Variants in SAE1 observed in about 807,000 individuals in gnomAD.
SAE1 encodes the protein SUMO1 activating enzyme subunit 1.
SAE1 carries 11 observed loss-of-function variants against 40.6 expected under a neutral mutation model. The observed-to-expected ratio is 0.27, with a 90% CI of 0.17 to 0.45. The LOEUF is 0.45. SAE1 is among the 20% of genes least tolerant of loss of function. The pLI, the probability that SAE1 is intolerant of heterozygous loss-of-function variation, is 1.00. For synonymous variants in SAE1, 155 were observed against 154.3 expected (o/e 1.00, Z -0.03); for missense variants, 373 against 427.3 (o/e 0.87, Z 1.12).
chr19:47,147,164 C>G (rs1468527928), intron 2 of SAE1, among the ~76,000 whole-genome samples: 2 of 142,644 alleles, frequency 1.4e-5, no homozygotes, highest in Non-Finnish European at 3.0e-5. Flanking sequence ...GATCTGTGGA[C>G]TGATAGTGAT....
chr19:47,188,207 C>G (rs2058556044), intron 6 of SAE1, among the ~76,000 whole-genome samples: 1 of 151,890 alleles, frequency 6.6e-6, no homozygotes, highest in Admixed American at 6.6e-5. Context: ...AATGAACCAC[C>G]AGGCATGGTG....
chr19:47,162,044 AAGTGGCC>A (rs2058362488), intron 5 of SAE1, among the ~76,000 whole-genome samples: 1 of 152,228 alleles, frequency 6.6e-6, no homozygotes, highest in South Asian at 2.1e-4. Context: ...GTCACATTTC[AAGTGGCC>A]AGTAAGCACA....
intron 1 of SAE1, among the ~76,000 whole-genome samples, chr19:47,139,875 A>G (rs1325819280): frequency 6.8e-6 from 1 of 146,486 alleles, no homozygotes; most frequent in Non-Finnish European, 1.5e-5. Flanking sequence ...TGTTGGGATT[A>G]TAGGCGTGAG....
In SAE1 at chr19:47,143,430, GTTC is replaced by G; in HGVS notation, c.99-59_99-57del. The G allele has an allele frequency of 3.0e-6, 4 of 1,333,594 alleles. No homozygotes were observed. The Admixed American group carries it at 5.1e-5, about 17-fold the overall frequency. The allele number at this position is 1,333,594 out of a possible 1,614,324, so 82.6% of individuals were successfully genotyped here. ...AACCAAAATGATTTGTGTATTTTTT[GTTC>G]TTCTGTGATTCTGCAAGCTCACTGT... On this transcript the variant is annotated intron_variant, in intron 1 of 8. Coordinates refer to ENST00000270225, the MANE Select transcript of SAE1 (RefSeq NM_005500.3).
intron 5 of SAE1, among the ~76,000 whole-genome samples, chr19:47,163,321 G>A (rs1214393971): frequency 6.6e-6 from 1 of 151,600 alleles, no homozygotes; most frequent in East Asian, 1.9e-4. Flanking sequence ...GCGTCTATCT[G>A]TACCAAACAT....
chr19:47,191,719 A>C (rs1398211230), intron 6 of SAE1, among the ~76,000 whole-genome samples: 1 of 151,714 alleles, frequency 6.6e-6, no homozygotes, highest in East Asian at 1.9e-4. Context: ...TTTTTTTTTC[A>C]GCTGTTACCA....
At chr19:47,168,902 ACTT>A (rs1258950086) in intron 5 of SAE1, among the ~76,000 whole-genome samples, 3 of 152,062 alleles carry the variant, frequency 2.0e-5, no homozygotes, top group Non-Finnish European at 1.5e-5. Context: ...CTGTGCCTGG[ACTT>A]GTAAATGGTA....
intron 5 of SAE1, among the ~76,000 whole-genome samples, chr19:47,156,841 T>C (rs1423652686): frequency 6.6e-6 from 1 of 152,126 alleles, no homozygotes; most frequent in Non-Finnish European, 1.5e-5. Context: ...GGAGAAGGGA[T>C]CAGAAGACGA....
chr19:47,199,934 CT>C (rs760362409), intron 7 of SAE1, among the ~76,000 whole-genome samples: 345 of 142,162 alleles, frequency 2.4e-3, no homozygotes, highest in Non-Finnish European at 2.3e-3. Context: ...TAGATGATGG[CT>C]TTTTTTTTTT....
intron 4 of SAE1, among the ~76,000 whole-genome samples, chr19:47,154,041 T>G (rs1395532874): frequency 3.3e-5 from 5 of 151,764 alleles, no homozygotes; most frequent in African/African-American, 1.2e-4. Flanking sequence ...TCCACCCACC[T>G]CGGCCTCCCA....
At chr19:47,194,597 A>G (rs1233645431) in intron 6 of SAE1, among the ~76,000 whole-genome samples, 2 of 152,162 alleles carry the variant, frequency 1.3e-5, no homozygotes, top group African/African-American at 4.8e-5. Context: ...TGTGGGAGAA[A>G]GAGTATTGTC....
chr19:47,174,783 C>A (rs1420919912), intron 6 of SAE1, among the ~76,000 whole-genome samples: 1 of 151,868 alleles, frequency 6.6e-6, no homozygotes, highest in Non-Finnish European at 1.5e-5. Context: ...CCATGTTAGC[C>A]AGGATGGTCT....
At chr19:47,163,979 G>T (rs2058374287) in intron 5 of SAE1, among the ~76,000 whole-genome samples, 1 of 151,764 alleles carries the variant, frequency 6.6e-6, no homozygotes, top group South Asian at 2.1e-4. Context: ...TTGTTCGCCA[G>T]GCTGGTCTCG....
intron 6 of SAE1, among the ~76,000 whole-genome samples, chr19:47,182,508 C>CTGT (rs1555794406): frequency 5.5e-5 from 8 of 146,632 alleles, no homozygotes; most frequent in Admixed American, 2.7e-4. Flanking sequence ...CGCGCACGCA[C>CTGT]GCGCGCGCGC....
At chr19:47,201,360 CTTTTTTTTTTTTTTTT>C (rs57568797) in intron 7 of SAE1, among the ~76,000 whole-genome samples, 13 of 66,230 alleles carry the variant, frequency 2.0e-4, no homozygotes, top group East Asian at 4.3e-4. Flanking sequence ...TATCTGGTTC[CTTTTTTTTTTTTTTTT>C]TTTTTTTTTT....
chr19:47,137,138 C>A (rs1028688573), intron 1 of SAE1, among the ~76,000 whole-genome samples: 2 of 152,034 alleles, frequency 1.3e-5, no homozygotes, highest in African/African-American at 4.8e-5. Flanking sequence ...CCTGTAATCC[C>A]AGGACTTTGA....
chr19:47,181,855 G>T (rs1200401120), intron 6 of SAE1, among the ~76,000 whole-genome samples: 2 of 139,218 alleles, frequency 1.4e-5, no homozygotes. Flanking sequence ...TAAGGCTGTA[G>T]TGCAGTGGTA....
In SAE1 at chr19:47,176,868, C is replaced by T. The variant is rs2058471857; in HGVS notation, c.733+6945C>T. On this transcript the variant is annotated intron_variant, in intron 6 of 8. Coordinates refer to ENST00000270225, the MANE Select transcript of SAE1 (RefSeq NM_005500.3). ...TATTCTCCCATGGCATGTTGCAAAACAGTAAGCGTGAGCTGGTTTCCTGTG... is the reference window on the plus strand; with the variant it reads ...TATTCTCCCATGGCATGTTGCAAAATAGTAAGCGTGAGCTGGTTTCCTGTG... 3.3e-5 allele frequency among the ~76,000 whole-genome samples: 5 copies of T among 152,296 alleles called. No individual in the cohort carries two copies. In the South Asian group the frequency reaches 1.0e-3, roughly 32 times the overall value.
At chr19:47,189,334 G>A (rs1463582054) in intron 6 of SAE1, among the ~76,000 whole-genome samples, 2 of 152,058 alleles carry the variant, frequency 1.3e-5, no homozygotes, top group Non-Finnish European at 2.9e-5. Flanking sequence ...GAGGCAGGCG[G>A]ATCACGAGGT....
Sources: allele counts gnomAD v4.1 joint callset (sites outside exome capture counted in the v4.1 genomes callset), GRCh38; gene constraint gnomAD v4.1.1; transcripts MANE v1.5; gene names NCBI Gene and HGNC (gene_info 2026-07-23, HGNC 2026-07-21).